Variants in SLC36A3 observed in about 807,000 individuals in gnomAD.
The protein encoded by SLC36A3 is proton-coupled amino acid transporter 3.
In SLC36A3, 35 loss-of-function variants were observed where a neutral mutation model predicts 44.3. That is an observed-to-expected ratio of 0.79 (90% CI 0.60 to 1.05). SLC36A3 has a LOEUF of 1.05. Ranked by LOEUF, SLC36A3 falls within the 50% of genes least tolerant of loss-of-function variation. The pLI, the probability that SLC36A3 is intolerant of heterozygous loss-of-function variation, is 0.00. For missense variants in SLC36A3, 540 were observed against 578.7 expected (o/e 0.93, Z 0.69); for synonymous variants, 211 against 227.6 (o/e 0.93, Z 0.66).
Position 151,287,280 on chromosome 5 carries a change from C to T in SLC36A3, c.674G>A (p.Gly225Glu). 2 of 1,614,062 alleles carry T rather than the reference C, an allele frequency of 1.2e-6. No homozygotes were observed. Among genetic ancestry groups the T allele is most frequent in the Non-Finnish European group, 1.7e-6 (2 of 1,180,026 alleles). The change falls in exon 6 of 10, where the codon GGG (glycine) becomes GAG (glutamate). Residue 225 changes from glycine to glutamate, a missense_variant. Coordinates refer to ENST00000335230, the MANE Select transcript of SLC36A3 (RefSeq NM_181774.4). ...ATACTCAAAGATCAGAGCCATGCTCCCAAGGGTGGTGATGTTGGCCAATGT... is the reference window on the plus strand; with the variant it reads ...ATACTCAAAGATCAGAGCCATGCTCTCAAGGGTGGTGATGTTGGCCAATGT... ...FSTLANITTL[G>E]SMALIFEYIM...
At chr5:151,285,082 T>C (rs1271480842) in intron 6 of SLC36A3, among the ~76,000 whole-genome samples, 2 of 152,170 alleles carry the variant, frequency 1.3e-5, no homozygotes, top group African/African-American at 4.8e-5. Context: ...TGCTCTACTA[T>C]CTGTCTCTAT....
intron 8 of SLC36A3, among the ~76,000 whole-genome samples, chr5:151,283,772 C>T (rs1754418822): frequency 6.6e-6 from 1 of 152,202 alleles, no homozygotes. Context: ...CCAATTAATC[C>T]CCACGGTCAC....
At chr5:151,291,152 A>T (rs1429441962) in intron 4 of SLC36A3, among the ~76,000 whole-genome samples, 1 of 151,608 alleles carries the variant, frequency 6.6e-6, no homozygotes, top group Non-Finnish European at 1.5e-5. Flanking sequence ...CTGGCTATTT[A>T]AAAAAAATTT....
chr5:151,287,605 C>G (rs1754592831), intron 5 of SLC36A3, 141 bp from the exon 6 acceptor site: 3 of 778,324 alleles, frequency 3.9e-6, no homozygotes, highest in African/African-American at 1.8e-5. Context: ...CATAGTAAAA[C>G]AAAATCACTA....
At chr5:151,286,824 T>G (rs1249818935) in intron 6 of SLC36A3, among the ~76,000 whole-genome samples, 4 of 152,196 alleles carry the variant, frequency 2.6e-5, no homozygotes, top group Non-Finnish European at 5.9e-5. Context: ...TCATCTGTAT[T>G]TCTTTTGTCC....
intron 4 of SLC36A3, among the ~76,000 whole-genome samples, chr5:151,290,199 T>C (rs1754705334): frequency 6.6e-6 from 1 of 152,226 alleles, no homozygotes; most frequent in African/African-American, 2.4e-5. Flanking sequence ...AACAAAAATA[T>C]GTTCCTTTAC....
At chr5:151,303,110 G>A (rs898842492) in intron 1 of SLC36A3, 117 bp downstream of exon 1, 20 of 1,249,088 alleles carry the variant, frequency 1.6e-5, no homozygotes, top group East Asian at 2.6e-5. Context: ...TTTTATCCAC[G>A]CATATCGTGT....
rs938273500 is a variant in SLC36A3, at chr5:151,276,456, T to C, written c.*937A>G. On this transcript the variant is annotated 3_prime_UTR_variant, in exon 10 of 10. Transcript: ENST00000335230. ...TTTGTTTCTGTTCCTTGCTGAGGAATATTCCATTGTATGGCTACATCACAA... is the reference window on the plus strand; with the variant it reads ...TTTGTTTCTGTTCCTTGCTGAGGAACATTCCATTGTATGGCTACATCACAA... Among the ~76,000 whole-genome samples the C allele has an allele frequency of 1.3e-5, 2 of 152,284 alleles. No individual in the cohort carries two copies. Among genetic ancestry groups the C allele is most frequent in the Admixed American group, 1.3e-4 (2 of 15,294 alleles).
chr5:151,288,823 G>T (rs991107925), intron 4 of SLC36A3: 2 of 152,976 alleles, frequency 1.3e-5, no homozygotes, highest in Non-Finnish European at 2.9e-5. Context: ...ACTTTGGAAG[G>T]CCAAGGCAGG....
chr5:151,296,433 C>T, intron 2 of SLC36A3, 165 bp from the exon 3 acceptor site: 1 of 651,398 alleles, frequency 1.5e-6, no homozygotes, highest in Non-Finnish European at 2.8e-6. Context: ...AATTTGAATG[C>T]TCTTCTTAGC....
intron 3 of SLC36A3, 66 bp downstream of exon 3, chr5:151,296,114 A>C (rs1754948657): frequency 6.6e-7 from 1 of 1,504,748 alleles, no homozygotes; most frequent in African/African-American, 1.4e-5. Context: ...GTCAGTGGTC[A>C]AAAGAAGAGC....
chr5:151,286,854 T>C (rs1004991626), intron 6 of SLC36A3, among the ~76,000 whole-genome samples: 1 of 152,218 alleles, frequency 6.6e-6, no homozygotes, highest in African/African-American at 2.4e-5. Flanking sequence ...TTTTACAATT[T>C]TTTTGGTGAT....
chr5:151,288,519 A>G (rs763841127), intron 4 of SLC36A3, 49 bp from the exon 5 acceptor site: 18 of 1,276,398 alleles, frequency 1.4e-5, no homozygotes, highest in Admixed American at 9.0e-5. Context: ...AAAAGCTAAA[A>G]TTATTTCTTA....
intron 3 of SLC36A3, among the ~76,000 whole-genome samples, chr5:151,294,327 A>G (rs192844081): frequency 1.0e-3 from 155 of 152,346 alleles, no homozygotes; most frequent in Non-Finnish European, 1.7e-3. Context: ...GTCACCTTGC[A>G]TAGAACTGGC....
rs70976011 is a variant in SLC36A3 at position 151,282,111 on chromosome 5, G to GTTT, written c.975-931_975-929dup. On this transcript the variant is annotated intron_variant, in intron 8 of 9. Transcript: ENST00000335230. ...CCCAATATTTCTTTTCTTTTTCTTT[G>GTTT]TTTTTTTTTTTTTTTTTTTTTTTTT... Among the ~76,000 whole-genome samples, 121 of 56,120 alleles carry GTTT rather than the reference G, an allele frequency of 2.2e-3. 12 individuals are homozygous for GTTT. The highest frequency in any genetic ancestry group is 6.3e-3 in the African/African-American group (93 of 14,758). The allele number at this position is 56,120 out of a possible 152,430, so 36.8% of individuals were successfully genotyped here.
At position 151,277,228 on chromosome 5, in the gene SLC36A3, G is replaced by A. The variant is rs922253310; in HGVS notation, c.*165C>T. The A allele has an allele frequency of 3.2e-6, 3 of 944,802 alleles. No individual in the cohort carries two copies. In the African/African-American group the frequency reaches 5.0e-5, roughly 16 times the overall value. The allele number at this position is 944,802 out of a possible 1,614,324, so 58.5% of individuals were successfully genotyped here. A position where few individuals can be genotyped will look rare whatever the true frequency, so the allele number is the denominator to read the frequency against. ...TATAAAACCAAAAGAGGTGTAGCCTGAGAGACATCAGTGCTAACTTTTCTC... is the reference window on the plus strand; with the variant it reads ...TATAAAACCAAAAGAGGTGTAGCCTAAGAGACATCAGTGCTAACTTTTCTC... On this transcript the variant is annotated 3_prime_UTR_variant, in exon 10 of 10. Transcript: ENST00000335230.
intron 4 of SLC36A3, among the ~76,000 whole-genome samples, chr5:151,290,989 T>A (rs13179380): frequency 0.16 from 23,732 of 148,924 alleles, 2,390 homozygotes; most frequent in African/African-American, 0.29. Context: ...AATAATTTCT[T>A]TTTTTTTTTT....
intron 3 of SLC36A3, among the ~76,000 whole-genome samples, chr5:151,293,721 C>A (rs573377553): frequency 6.6e-6 from 1 of 152,028 alleles, no homozygotes; most frequent in African/African-American, 2.4e-5. Context: ...TGTGCATTGA[C>A]GTAGATCTGC....
chr5:151,280,402 C>T (rs1052970394), intron 9 of SLC36A3, among the ~76,000 whole-genome samples: 35 of 152,016 alleles, frequency 2.3e-4, no homozygotes, highest in African/African-American at 7.7e-4. Context: ...TGCAGTGAGC[C>T]GAGATAGCAC....
Sources: gnomAD v4.1 joint callset for allele counts (sites outside exome capture counted in the v4.1 genomes callset) on GRCh38, gnomAD v4.1.1 for gene constraint, MANE v1.5 for transcripts, NCBI Gene and HGNC (gene_info 2026-07-23, HGNC 2026-07-21) for gene names.